Variants in GRIK1 observed in about 807,000 individuals in gnomAD.
GRIK1 encodes the protein glutamate ionotropic receptor kainate type subunit 1, also known as glutamate receptor ionotropic, kainate 1.
In GRIK1, 69 loss-of-function variants were observed where a neutral mutation model predicts 105.7. The observed-to-expected ratio is 0.65, with a 90% CI of 0.54 to 0.80. The LOEUF (loss-of-function observed/expected upper bound fraction) is 0.80. GRIK1 is among the 30% of genes least tolerant of loss of function. The pLI, the probability that GRIK1 is intolerant of heterozygous loss-of-function variation, is 0.00. For missense variants in GRIK1, 1,109 were observed against 1,167.3 expected, an observed-to-expected ratio of 0.95 and a Z score of 0.73; for synonymous variants, 438 against 431.3, an observed-to-expected ratio of 1.02 and a Z score of -0.19.
chr21:29,895,185 T>C (rs2070089153), intron 1 of GRIK1, among the ~76,000 whole-genome samples: 1 of 152,066 alleles, frequency 6.6e-6, no homozygotes. Context: ...ACCTTGAGAT[T>C]TCAAGTGTGG....
At chr21:29,829,171 A>C (rs988762963) in intron 1 of GRIK1, among the ~76,000 whole-genome samples, 5 of 152,166 alleles carry the variant, frequency 3.3e-5, no homozygotes, top group Non-Finnish European at 7.4e-5. Context: ...AACGGCATGC[A>C]TTAGTAAATA....
At chr21:29,766,746 A>G (rs539756580) in intron 1 of GRIK1, among the ~76,000 whole-genome samples, 103 of 152,316 alleles carry the variant, frequency 6.8e-4, no homozygotes, top group African/African-American at 2.2e-3. Flanking sequence ...TGTATAAGGG[A>G]GAAGAATAAG....
chr21:29,554,977 A>C, intron 16 of GRIK1, 75 bp downstream of exon 16: 1 of 1,266,110 alleles, frequency 7.9e-7, no homozygotes, highest in Non-Finnish European at 1.1e-6. Flanking sequence ...AAGAGCAAAC[A>C]TCCTTAAAAA....
intron 1 of GRIK1, among the ~76,000 whole-genome samples, chr21:29,867,087 A>G (rs2068826894): frequency 6.6e-6 from 1 of 152,216 alleles, no homozygotes; most frequent in Admixed American, 6.5e-5. Flanking sequence ...CATTTTTAGT[A>G]TACGCTCAAT....
At chr21:29,685,042 G>A (rs1309122450) in intron 3 of GRIK1, among the ~76,000 whole-genome samples, 2 of 151,914 alleles carry the variant, frequency 1.3e-5, no homozygotes, top group Non-Finnish European at 2.9e-5. Context: ...CTGTCTGCCT[G>A]CCTGCCTGCC....
chr21:29,772,946 A>G (rs1239072265), intron 1 of GRIK1, among the ~76,000 whole-genome samples: 2 of 152,154 alleles, frequency 1.3e-5, no homozygotes, highest in African/African-American at 2.4e-5. Context: ...TAATGATTGG[A>G]AAATTTTTTA....
At chr21:29,693,866 A>G in intron 2 of GRIK1, 30 bp downstream of exon 2, 1 of 1,563,278 alleles carries the variant, frequency 6.4e-7, no homozygotes. Flanking sequence ...TATCACCCAA[A>G]GAAGCTTTTA....
chr21:29,804,413 T>A (rs377064), intron 1 of GRIK1, among the ~76,000 whole-genome samples: 152,209 of 152,264 alleles, frequency 1, 76,077 homozygotes, highest in Non-Finnish European at 1. Flanking sequence ...TTCTTTAATT[T>A]GACAATAGAG....
chr21:29,560,309 TTCTTTC>T (rs1164673457), intron 15 of GRIK1, among the ~76,000 whole-genome samples: 1 of 116,204 alleles, frequency 8.6e-6, no homozygotes, highest in Non-Finnish European at 1.7e-5. Flanking sequence ...CTTTCTTTCT[TTCTTTC>T]TTTCTTTCTT....
intron 1 of GRIK1, among the ~76,000 whole-genome samples, chr21:29,920,019 G>C (rs990040040): frequency 6.6e-6 from 1 of 152,052 alleles, no homozygotes; most frequent in Non-Finnish European, 1.5e-5. Context: ...CAGGAACAAG[G>C]GCTCTCCCTG....
intron 15 of GRIK1, among the ~76,000 whole-genome samples, chr21:29,560,300 T>C (rs1438287518): frequency 9.8e-6 from 1 of 102,096 alleles, no homozygotes; most frequent in African/African-American, 4.3e-5. Context: ...TCTTTCTTTC[T>C]TTCTTTCTTT....
Position 29,778,424 on chromosome 21 carries a change from C to T in GRIK1, c.119-84361G>A, listed in dbSNP as rs373940502. ...AAGATTCTAGCGCAGTTCCTTGCGG[C>T]GACTCAGTGCTTCCTAAGAGCAGTT... On this transcript the variant is annotated intron_variant, in intron 1 of 17. Coordinates refer to ENST00000327783, the MANE Select transcript of GRIK1 (RefSeq NM_001330994.2). 4.6e-5 allele frequency among the ~76,000 whole-genome samples: 7 copies of T among 152,300 alleles called. No homozygotes were observed. The East Asian group carries it at 7.7e-4, about 17-fold the overall frequency.
intron 1 of GRIK1, among the ~76,000 whole-genome samples, chr21:29,905,422 A>C (rs910820984): frequency 1.1e-5 from 1 of 91,910 alleles, no homozygotes; most frequent in African/African-American, 5.6e-5. Context: ...AAATTTTTAT[A>C]TTATATATAT....
At chr21:29,916,334 T>C (rs925360407) in intron 1 of GRIK1, among the ~76,000 whole-genome samples, 1 of 151,954 alleles carries the variant, frequency 6.6e-6, no homozygotes, top group African/African-American at 2.4e-5. Flanking sequence ...AGCTTATTTT[T>C]GTTATTTTTG....
chr21:29,810,944 A>C (rs1025788549), intron 1 of GRIK1, among the ~76,000 whole-genome samples: 4 of 152,152 alleles, frequency 2.6e-5, no homozygotes, highest in African/African-American at 9.7e-5. Flanking sequence ...CAAAGTAATA[A>C]AATTTCTTAT....
At chr21:29,660,065 T>C (rs1372825815) in intron 4 of GRIK1, among the ~76,000 whole-genome samples, 3 of 152,212 alleles carry the variant, frequency 2.0e-5, no homozygotes, top group Admixed American at 6.5e-5. Flanking sequence ...CTGTTAACTG[T>C]TATCAATATA....
chr21:29,710,503 A>G (rs758108541), intron 1 of GRIK1, among the ~76,000 whole-genome samples: 8 of 152,182 alleles, frequency 5.3e-5, no homozygotes, highest in Admixed American at 2.6e-4. Context: ...GAGTTCTTCG[A>G]TAAAATGAAA....
chr21:29,875,603 C>CT (rs1439359927), intron 1 of GRIK1, among the ~76,000 whole-genome samples: 6 of 152,134 alleles, frequency 3.9e-5, no homozygotes, highest in Non-Finnish European at 7.3e-5. Context: ...CTCCTCTCCT[C>CT]TTTTTTCCCC....
rs549123123 is a variant in GRIK1, at chr21:29,719,160, T to A, written c.119-25097A>T. 3.3e-4 allele frequency among the ~76,000 whole-genome samples: 50 copies of A among 150,254 alleles called. 1 individual carries two copies. The East Asian group carries it at 6.4e-3, about 19-fold the overall frequency. ...GAAAGTTATCTAGATAAAAGCTTTTTTATATATATGTACTACTTTATATAT... is the reference window on the plus strand; with the variant it reads ...GAAAGTTATCTAGATAAAAGCTTTTATATATATATGTACTACTTTATATAT... On this transcript the variant is annotated intron_variant, in intron 1 of 17. Coordinates refer to ENST00000327783, the MANE Select transcript of GRIK1 (RefSeq NM_001330994.2).
Sources: gnomAD v4.1 joint callset for allele counts (sites outside exome capture counted in the v4.1 genomes callset) on GRCh38, gnomAD v4.1.1 for gene constraint, MANE v1.5 for transcripts, NCBI Gene and HGNC (gene_info 2026-07-23, HGNC 2026-07-21) for gene names.